The following HOXA3 variants were observed in gnomAD, a reference collection of about 807,000 sequenced individuals.
The protein encoded by HOXA3 is homeobox protein Hox-A3.
In HOXA3, 8 loss-of-function variants were observed where a neutral mutation model predicts 30.3. That is an observed-to-expected ratio of 0.26 (90% CI 0.15 to 0.48). The LOEUF (loss-of-function observed/expected upper bound fraction) is 0.48. Ranked by LOEUF, HOXA3 falls within the 20% of genes least tolerant of loss-of-function variation. The probability of loss-of-function intolerance (pLI) is 0.99; values close to 1 mark genes in which losing one functional copy is unlikely to be tolerated. For missense variants in HOXA3, 653 were observed against 614.4 expected (o/e 1.06, Z -0.66); for synonymous variants, 323 against 273.1 (o/e 1.18, Z -1.80).
chr7:27,133,087 A>C (rs1475170344), intron 2 of HOXA3, among the ~76,000 whole-genome samples: 5 of 152,164 alleles, frequency 3.3e-5, no homozygotes, highest in African/African-American at 1.2e-4. Flanking sequence ...CTTACACAGA[A>C]TCCCCCAAGG....
rs1290913406 is a variant in HOXA3, at chr7:27,130,266, G to C, written c.-389-3196C>G. The C allele has an allele frequency of 2.6e-6, 3 of 1,156,276 alleles. No individual in the cohort carries two copies. In the African/African-American group the frequency reaches 5.0e-5, roughly 19 times the overall value. 71.6% of individuals were successfully genotyped at this position (1,156,276 alleles called of 1,614,324 possible). ...CTGGGGTGGCGGGGGCCGCCTCGCA[G>C]CGCCGCGGGGCCGCTGGGGGCACGG... On this transcript the variant is annotated intron_variant, in intron 2 of 5. Coordinates refer to ENST00000612286, the MANE Select transcript of HOXA3 (RefSeq NM_153631.3).
intron 2 of HOXA3, chr7:27,128,986 G>A: frequency 1.7e-6 from 1 of 580,210 alleles, no homozygotes; most frequent in East Asian, 2.9e-5. Flanking sequence ...TGGCAGCCTT[G>A]TTTCGGGCCA....
intron 2 of HOXA3, chr7:27,128,897 G>T: frequency 2.6e-6 from 1 of 379,738 alleles, no homozygotes; most frequent in Non-Finnish European, 4.9e-6. Context: ...TCCCCACTCA[G>T]CATGGGCTGT....
At chr7:27,151,289 G>T in intron 1 of HOXA3, 1 of 305,864 alleles carries the variant, frequency 3.3e-6, no homozygotes, top group Non-Finnish European at 6.4e-6. Context: ...CCGAGCTACA[G>T]TTCGAGCCAC....
At chr7:27,138,344 G>T (rs1785776544) in intron 2 of HOXA3, among the ~76,000 whole-genome samples, 1 of 152,128 alleles carries the variant, frequency 6.6e-6, no homozygotes, top group Admixed American at 6.5e-5. Flanking sequence ...GACATCTGTT[G>T]GACTTATGTT....
At chr7:27,110,819 A>C in intron 4 of HOXA3, 59 bp from the exon 5 acceptor site, 1 of 820,400 alleles carries the variant, frequency 1.2e-6, no homozygotes, top group Non-Finnish European at 1.9e-6. Flanking sequence ...CTTACTCTCA[A>C]TAGCTAAGTG....
chr7:27,151,814 G>A (rs1782981295), intron 1 of HOXA3: 1 of 380,916 alleles, frequency 2.6e-6, no homozygotes, highest in East Asian at 7.7e-5. Flanking sequence ...CACCTTCCCA[G>A]GTCAAGGATG....
chr7:27,121,990 AGAAG>A (rs1308492783), intron 4 of HOXA3: 21 of 153,106 alleles, frequency 1.4e-4, no homozygotes, highest in African/African-American at 5.0e-4. Flanking sequence ...CCCTGATGAA[AGAAG>A]GAAGAAGACC....
At chr7:27,139,767 A>C (rs1397057700) in intron 2 of HOXA3, among the ~76,000 whole-genome samples, 2 of 152,140 alleles carry the variant, frequency 1.3e-5, no homozygotes, top group East Asian at 3.9e-4. Context: ...CCAGGTCCCC[A>C]CACACAGGCC....
chr7:27,142,931 G>A, intron 1 of HOXA3: 1 of 1,001,074 alleles, frequency 1.0e-6, no homozygotes, highest in South Asian at 1.7e-5. Context: ...GGAGAGCTCC[G>A]CAGGGCTGGG....
chr7:27,130,446 C>G, intron 2 of HOXA3: 1 of 1,217,172 alleles, frequency 8.2e-7, no homozygotes, highest in Non-Finnish European at 1.0e-6. Flanking sequence ...AGGCGGTGTC[C>G]GCGGCCCCAT....
chr7:27,133,552 G>A (rs556947979), intron 2 of HOXA3, among the ~76,000 whole-genome samples: 15 of 152,276 alleles, frequency 9.9e-5, no homozygotes, highest in East Asian at 3.9e-4. Context: ...TCATTTCCAC[G>A]TGCAGGGATA....
chr7:27,111,511 T>A (rs1784375214), intron 4 of HOXA3, among the ~76,000 whole-genome samples: 1 of 149,130 alleles, frequency 6.7e-6, no homozygotes, highest in Non-Finnish European at 1.5e-5. Context: ...TGTGTGTGTG[T>A]GTTTAGGGTG....
At chr7:27,118,091 A>T (rs1371300624) in intron 4 of HOXA3, among the ~76,000 whole-genome samples, 1 of 152,232 alleles carries the variant, frequency 6.6e-6, no homozygotes, top group Non-Finnish European at 1.5e-5. Flanking sequence ...TCCTCGCCTG[A>T]CCTTTGTCTC....
intron 4 of HOXA3, 100 bp from the exon 5 acceptor site, chr7:27,110,860 G>A: frequency 1.7e-6 from 1 of 606,022 alleles, no homozygotes; most frequent in East Asian, 3.1e-5. Flanking sequence ...AAAGTGGTCA[G>A]CAATATTTAG....
chr7:27,139,759 A>G (rs1231630957), intron 2 of HOXA3, among the ~76,000 whole-genome samples: 1 of 152,172 alleles, frequency 6.6e-6, no homozygotes, highest in Non-Finnish European at 1.5e-5. Context: ...CGGCCCTGCC[A>G]GGTCCCCACA....
chr7:27,152,490 T>C lies in HOXA3; in HGVS notation c.-696A>G, dbSNP rs1783010696. 8.9e-7 allele frequency: 1 copy of C among 1,119,696 alleles called. No homozygotes were observed. Among genetic ancestry groups the C allele is most frequent in the East Asian group, 6.9e-5 (1 of 14,560 alleles). The allele number at this position is 1,119,696 out of a possible 1,614,324, so 69.4% of individuals were successfully genotyped here. A position where few individuals can be genotyped will look rare whatever the true frequency, so the allele number is the denominator to read the frequency against. On this transcript the variant is annotated 5_prime_UTR_variant, in exon 1 of 6. Coordinates refer to ENST00000612286, the MANE Select transcript of HOXA3 (RefSeq NM_153631.3). Reference sequence around the variant, plus strand: ...CGCCAGGCCTGGCCTGGCCGGGGCTTCCCTTCGCTCGCCATCTCCGGACAA... The same window carrying C: ...CGCCAGGCCTGGCCTGGCCGGGGCTCCCCTTCGCTCGCCATCTCCGGACAA...
chr7:27,147,431 G>C (rs767831962), intron 1 of HOXA3: 4 of 1,614,212 alleles, frequency 2.5e-6, no homozygotes, highest in Non-Finnish European at 3.4e-6. Context: ...TGCTGCTCGG[G>C]AGAAAAGTGC....
chr7:27,115,800 C>A (rs1784692876), intron 4 of HOXA3: 1 of 152,326 alleles, frequency 6.6e-6, no homozygotes, highest in Admixed American at 6.5e-5. Flanking sequence ...GGGCCGCGGG[C>A]CTCAGCGGGC....
Sources: gnomAD v4.1 joint callset for allele counts (sites outside exome capture counted in the v4.1 genomes callset) on GRCh38, gnomAD v4.1.1 for gene constraint, MANE v1.5 for transcripts, NCBI Gene and HGNC (gene_info 2026-07-23, HGNC 2026-07-21) for gene names.